The following FARSB variants were observed in gnomAD, a reference collection of about 807,000 sequenced individuals.
FARSB encodes the protein phenylalanine--tRNA ligase beta subunit.
FARSB carries 40 observed loss-of-function variants against 69.6 expected under a neutral mutation model. The ratio of observed to expected loss-of-function variants is 0.57; its 90% CI spans 0.45 to 0.75. FARSB has a LOEUF of 0.75. Ranked by LOEUF, FARSB falls within the 30% of genes least tolerant of loss-of-function variation. The pLI is 0.00. For synonymous variants in FARSB, 235 were observed against 247.2 expected, an observed-to-expected ratio of 0.95 and a Z score of 0.46; for missense variants, 632 against 722.9, an observed-to-expected ratio of 0.87 and a Z score of 1.44.
chr2:222,612,810 C>T (rs944981217), intron 15 of FARSB, among the ~76,000 whole-genome samples: 2 of 152,306 alleles, frequency 1.3e-5, no homozygotes, highest in South Asian at 2.1e-4. Context: ...AATTCCTTGG[C>T]AATCAAGTGG....
At chr2:222,607,679 T>C (rs1690738254) in intron 15 of FARSB, among the ~76,000 whole-genome samples, 1 of 151,942 alleles carries the variant, frequency 6.6e-6, no homozygotes, top group African/African-American at 2.4e-5. Context: ...AGATTAGAAT[T>C]GCTTTTAAAT....
At chr2:222,650,493 T>G (rs886345578) in intron 1 of FARSB, among the ~76,000 whole-genome samples, 3 of 151,830 alleles carry the variant, frequency 2.0e-5, no homozygotes, top group Non-Finnish European at 4.4e-5. Context: ...GTTAAAGAGG[T>G]GGAATGTATA....
chr2:222,626,272 A>G (rs977860332), intron 10 of FARSB, among the ~76,000 whole-genome samples: 6 of 151,212 alleles, frequency 4.0e-5, no homozygotes, highest in Admixed American at 3.3e-4. Flanking sequence ...AAAAGAAGTA[A>G]CTAATGAACA....
intron 2 of FARSB, among the ~76,000 whole-genome samples, chr2:222,643,784 A>G (rs531041988): frequency 1.3e-5 from 2 of 152,230 alleles, no homozygotes; most frequent in Non-Finnish European, 2.9e-5. Context: ...GGGAGATGAC[A>G]GAAGAAACAC....
At chr2:222,607,337 G>T (rs1690725565) in intron 15 of FARSB, among the ~76,000 whole-genome samples, 1 of 152,056 alleles carries the variant, frequency 6.6e-6, no homozygotes, top group Admixed American at 6.6e-5. Flanking sequence ...GACATTTCTT[G>T]CAACAGACAT....
chr2:222,631,719 A>C, intron 7 of FARSB, 45 bp from the exon 8 acceptor site: 1 of 1,059,232 alleles, frequency 9.4e-7, no homozygotes, highest in Non-Finnish European at 1.5e-6. Flanking sequence ...CTAATTTCAG[A>C]AATAGAAGTG....
chr2:222,624,059 T>C (rs1542198), intron 12 of FARSB, among the ~76,000 whole-genome samples: 129,891 of 152,110 alleles, frequency 0.85, 56,372 homozygotes, highest in African/African-American at 0.97. Flanking sequence ...AACTCAAAAC[T>C]TGTCTTTCTT....
chr2:222,637,564 T>C (rs2166651), intron 5 of FARSB, among the ~76,000 whole-genome samples: 5,840 of 152,242 alleles, frequency 0.038, 173 homozygotes, highest in African/African-American at 0.08. Flanking sequence ...TCACTGCTCA[T>C]GTAGCAATGG....
chr2:222,573,137 C>T (rs906990662), intron 16 of FARSB, among the ~76,000 whole-genome samples: 3 of 152,062 alleles, frequency 2.0e-5, no homozygotes, highest in African/African-American at 4.8e-5. Flanking sequence ...GGAGGGGAAC[C>T]GGCTACTGTC....
At chr2:222,598,504 C>T (rs910538801) in intron 16 of FARSB, among the ~76,000 whole-genome samples, 13 of 152,248 alleles carry the variant, frequency 8.5e-5, no homozygotes, top group East Asian at 1.9e-4. Flanking sequence ...ACGTTCAGGA[C>T]GCAATCTGCA....
chr2:222,630,155 A>G lies in FARSB; in HGVS notation c.806T>C (p.Ile269Thr), dbSNP rs1691381792. Residue 269 changes from isoleucine to threonine, a missense_variant, in exon 9 of 17, where the codon ATT becomes ACT. Ile to Thr is a moderately conservative substitution (Grantham distance 89). Transcript: ENST00000281828. The stretch of plus-strand genomic sequence containing the variant: ...ATATTCACTGAACATGGTGACAATA[A>G]TATCAAGAACTATTTTTGCCTGCAA... Reference protein sequence around the residue: ...DFTKAKIVLDIIVTMFSEYCE... With the variant: ...DFTKAKIVLDTIVTMFSEYCE... 4 of 1,550,194 alleles carry G rather than the reference A, an allele frequency of 2.6e-6. No homozygotes were observed. The highest frequency in any genetic ancestry group is 3.5e-6 in the Non-Finnish European group (4 of 1,148,234).
In FARSB at chr2:222,616,130, G is replaced by C. The variant is rs186873192; in HGVS notation, c.1345-2202C>G. 5.3e-4 allele frequency among the ~76,000 whole-genome samples: 80 copies of C among 152,212 alleles called. No individual in the cohort carries two copies. In the East Asian group the frequency reaches 0.014, roughly 27 times the overall value. ...GAACATATTCAGCAAAATCCTAAAT[G>C]TAAGAATTCTATAGGACAAATGACT... is the stretch of plus-strand genomic sequence containing the variant. On this transcript the variant is annotated intron_variant, in intron 14 of 16. Transcript: ENST00000281828.
At position 222,574,237 on chromosome 2, in the gene FARSB, T is replaced by G. The variant is rs74637830; in HGVS notation, c.1619-2215A>C. On this transcript the variant is annotated intron_variant, in intron 16 of 16. Coordinates refer to ENST00000281828, the MANE Select transcript of FARSB (RefSeq NM_005687.5). ...CTCTCTCCAGAAGTTGGGATCAAAC[T>G]TTGCTTTAGCTCATTAATCAGTTAG... Among the ~76,000 whole-genome samples the G allele has an allele frequency of 9.1e-3, 1,393 of 152,312 alleles. 25 individuals carry two copies. Among genetic ancestry groups the G allele is most frequent in the African/African-American group, 0.032 (1,332 of 41,558 alleles).
Position 222,633,679 on chromosome 2 carries a change from T to C in FARSB, c.607-372A>G, listed in dbSNP as rs1304916508. ...CCTGGGCAACAAGAGCGAAACTCCG[T>C]CTCAAAAAAAAAAAAAAAAAAAAAG... On this transcript the variant is annotated intron_variant, in intron 6 of 16. Coordinates refer to ENST00000281828, the MANE Select transcript of FARSB (RefSeq NM_005687.5). Among the ~76,000 whole-genome samples, 6 of 39,192 alleles carry C rather than the reference T, an allele frequency of 1.5e-4. No individual in the cohort carries two copies. The East Asian group carries it at 1.8e-3, about 12-fold the overall frequency. 25.7% of individuals were successfully genotyped at this position (39,192 alleles called of 152,430 possible).
chr2:222,597,783 C>T (rs760981718), intron 16 of FARSB, among the ~76,000 whole-genome samples: 43 of 152,142 alleles, frequency 2.8e-4, no homozygotes, highest in Non-Finnish European at 5.0e-4. Flanking sequence ...AATCCCTTCC[C>T]ACCATTCTCT....
chr2:222,624,741 T>C lies in FARSB; in HGVS notation c.935A>G (p.Asp312Gly), dbSNP rs1691223896. 1 of 1,606,768 alleles carries C rather than the reference T, an allele frequency of 6.2e-7. No homozygotes were observed. Among genetic ancestry groups the C allele is most frequent in the Admixed American group, 1.7e-5 (1 of 59,168 alleles). ...LAYRKEMVRA[D>G]LINKKVGIRE... ...GATTCCAACTTTTTTGTTAATTAGG[T>C]CAGCTCTCACCATCTCCTTTCGGTA... Residue 312 changes from aspartate (D) to glycine (G), a missense_variant, in exon 11 of 17, where the codon GAC becomes GGC. Coordinates refer to ENST00000281828, the MANE Select transcript of FARSB (RefSeq NM_005687.5).
intron 15 of FARSB, among the ~76,000 whole-genome samples, chr2:222,609,519 T>C (rs994633249): frequency 2.7e-4 from 41 of 152,160 alleles, no homozygotes; most frequent in Non-Finnish European, 5.6e-4. Flanking sequence ...CAAAAGCATA[T>C]GCCACTCTGC....
intron 10 of FARSB, among the ~76,000 whole-genome samples, chr2:222,628,117 T>G (rs191599637): frequency 6.6e-6 from 1 of 152,352 alleles, no homozygotes; most frequent in East Asian, 1.9e-4. Context: ...TTAGTTACAG[T>G]GATGCCTTCA....
At chr2:222,655,837 G>T (rs1201617395) in intron 1 of FARSB, among the ~76,000 whole-genome samples, 179 bp downstream of exon 1, 1 of 152,262 alleles carries the variant, frequency 6.6e-6, no homozygotes, top group African/African-American at 2.4e-5. Flanking sequence ...CTGCGATGCC[G>T]GTTCCGAGGC....
Sources: allele counts gnomAD v4.1 joint callset (sites outside exome capture counted in the v4.1 genomes callset), GRCh38; gene constraint gnomAD v4.1.1; transcripts MANE v1.5; gene names NCBI Gene and HGNC (gene_info 2026-07-23, HGNC 2026-07-21).